The following JAZF1 variants were observed in gnomAD, a reference collection of about 807,000 sequenced individuals.
The protein encoded by JAZF1 is juxtaposed with another zinc finger protein 1.
A neutral mutation model predicts 26.4 loss-of-function variants in JAZF1; 8 were observed. The observed-to-expected ratio is 0.30, with a 90% confidence interval of 0.18 to 0.55. The LOEUF is 0.55. JAZF1 is among the 20% of genes least tolerant of loss of function. The pLI, the probability that JAZF1 is intolerant of heterozygous loss-of-function variation, is 0.94. For missense variants in JAZF1, 199 were observed against 322.0 expected, an observed-to-expected ratio of 0.62 and a Z score of 2.92; for synonymous variants, 126 against 122.3, an observed-to-expected ratio of 1.03 and a Z score of -0.20.
At chr7:27,867,289 C>G (rs993512131) in intron 3 of JAZF1, among the ~76,000 whole-genome samples, 4 of 152,144 alleles carry the variant, frequency 2.6e-5, no homozygotes, top group African/African-American at 9.7e-5. Context: ...TCTACTACAT[C>G]AGAGTAATTG....
chr7:27,951,436 T>C (rs777508156), intron 2 of JAZF1, among the ~76,000 whole-genome samples: 20 of 152,316 alleles, frequency 1.3e-4, no homozygotes, highest in South Asian at 6.2e-4. Flanking sequence ...ACAGTGTACA[T>C]GAATAAAAAG....
At chr7:27,985,122 T>C (rs1002650559) in intron 2 of JAZF1, among the ~76,000 whole-genome samples, 5 of 152,022 alleles carry the variant, frequency 3.3e-5, no homozygotes, top group African/African-American at 9.7e-5. Context: ...CTGAAGAAGA[T>C]AGAGACACAA....
intron 2 of JAZF1, among the ~76,000 whole-genome samples, chr7:27,932,925 G>A (rs764469766): frequency 1.9e-4 from 29 of 152,170 alleles, no homozygotes; most frequent in East Asian, 1.9e-4. Flanking sequence ...GTATAAATAC[G>A]AAAGGGCTGC....
chr7:27,993,503 C>T (rs1785948959), intron 1 of JAZF1, among the ~76,000 whole-genome samples: 3 of 152,318 alleles, frequency 2.0e-5, no homozygotes, highest in Admixed American at 6.5e-5. Flanking sequence ...TATATCCATG[C>T]TTCTGAGAGA....
At chr7:27,927,413 T>C (rs1321144238) in intron 2 of JAZF1, among the ~76,000 whole-genome samples, 3 of 152,242 alleles carry the variant, frequency 2.0e-5, no homozygotes, top group African/African-American at 7.2e-5. Context: ...ATCTACTCTC[T>C]GTGACAATGG....
At position 27,983,071 on chromosome 7, in the gene JAZF1, C is replaced by T. The variant is rs570607389; in HGVS notation, c.188+8838G>A. 1.9e-4 allele frequency among the ~76,000 whole-genome samples: 29 copies of T among 152,258 alleles called. No homozygotes were observed. In the South Asian group the frequency reaches 4.8e-3, roughly 25 times the overall value. On this transcript the variant is annotated intron_variant, in intron 2 of 4. Coordinates refer to ENST00000283928, the MANE Select transcript of JAZF1 (RefSeq NM_175061.4). ...AAGGAATGCAGCTCCTTGGCAGCAA[C>T]GGAACAAAGCTGGATGGAGAATGAC...
In JAZF1 at chr7:28,093,941, G is replaced by A. The variant is rs571961473; in HGVS notation, c.115+86522C>T. ...GAGGGAAGAATGCATTCAGTGCTCA[G>A]GACAACTTGACCCTCCCTCTTCAGT... On this transcript the variant is annotated intron_variant, in intron 1 of 4. Coordinates refer to ENST00000283928, the MANE Select transcript of JAZF1 (RefSeq NM_175061.4). Among the ~76,000 whole-genome samples the A allele has an allele frequency of 2.0e-5, 3 of 152,332 alleles. No individual in the cohort carries two copies. The South Asian group carries it at 6.2e-4, about 32-fold the overall frequency.
At chr7:28,146,844 C>T (rs1397336513) in intron 1 of JAZF1, among the ~76,000 whole-genome samples, 1 of 149,276 alleles carries the variant, frequency 6.7e-6, no homozygotes, top group Non-Finnish European at 1.5e-5. Flanking sequence ...TTTTTTGTTT[C>T]GTTTTGGTGG....
chr7:27,837,490 CAT>C (rs1043577403), intron 4 of JAZF1, among the ~76,000 whole-genome samples: 208 of 152,348 alleles, frequency 1.4e-3, no homozygotes, highest in African/African-American at 4.9e-3. Context: ...ACATCTGAGA[CAT>C]GTGCTGGGTG....
At chr7:27,925,200 A>C (rs1343476355) in intron 2 of JAZF1, among the ~76,000 whole-genome samples, 1 of 152,214 alleles carries the variant, frequency 6.6e-6, no homozygotes, top group African/African-American at 2.4e-5. Flanking sequence ...AATGTAGGTA[A>C]TTCAGCTCCC....
intron 3 of JAZF1, among the ~76,000 whole-genome samples, chr7:27,866,028 G>A (rs1032070377): frequency 6.6e-6 from 1 of 152,126 alleles, no homozygotes; most frequent in Non-Finnish European, 1.5e-5. Flanking sequence ...TACTCAGGCC[G>A]TCATCAGGCT....
chr7:28,144,818 A>C (rs1783001265), intron 1 of JAZF1, among the ~76,000 whole-genome samples: 1 of 152,240 alleles, frequency 6.6e-6, no homozygotes, highest in Non-Finnish European at 1.5e-5. Flanking sequence ...TTCCGATTTC[A>C]GCCTTTTTAA....
At position 28,016,637 on chromosome 7, in the gene JAZF1, C is replaced by T. The variant is rs551216566; in HGVS notation, c.116-24656G>A. Among the ~76,000 whole-genome samples the T allele has an allele frequency of 5.9e-5, 9 of 152,246 alleles. No homozygotes were observed. In the East Asian group the frequency reaches 1.7e-3, roughly 30 times the overall value. On this transcript the variant is annotated intron_variant, in intron 1 of 4. Transcript: ENST00000283928. ...TGTTTTCTAGACCAAATACATCACCCTCATGTACCTGCTGGCTCCCCCTGC... is the reference window on the plus strand; with the variant it reads ...TGTTTTCTAGACCAAATACATCACCTTCATGTACCTGCTGGCTCCCCCTGC...
At chr7:28,110,263 T>C (rs1429881978) in intron 1 of JAZF1, among the ~76,000 whole-genome samples, 1 of 151,734 alleles carries the variant, frequency 6.6e-6, no homozygotes, top group Non-Finnish European at 1.5e-5. Flanking sequence ...CCATTTCTGA[T>C]AAAAATACAA....
intron 1 of JAZF1, among the ~76,000 whole-genome samples, chr7:28,062,528 G>A (rs985580969): frequency 1.3e-5 from 2 of 150,132 alleles, no homozygotes; most frequent in Non-Finnish European, 2.9e-5. Flanking sequence ...GACCCTGCAT[G>A]CTGCATGCAG....
At chr7:28,113,574 A>G (rs1051062612) in intron 1 of JAZF1, among the ~76,000 whole-genome samples, 5 of 152,136 alleles carry the variant, frequency 3.3e-5, no homozygotes, top group African/African-American at 1.2e-4. Flanking sequence ...ACCAAAACCT[A>G]CTATGGACCA....
rs142964757 is a variant in JAZF1, at chr7:27,998,057, G to A, written c.116-6076C>T. Among the ~76,000 whole-genome samples the A allele has an allele frequency of 2.7e-5, 4 of 145,758 alleles. No homozygotes were observed. The East Asian group carries it at 5.9e-4, about 22-fold the overall frequency. ...AGGAAGGAAGGAAGGAAGGAAGGAA[G>A]GAAGGAAGGAAGGAAGGCAGGCAGG... On this transcript the variant is annotated intron_variant, in intron 1 of 4. Coordinates refer to ENST00000283928, the MANE Select transcript of JAZF1 (RefSeq NM_175061.4).
At chr7:28,010,125 A>C (rs973507066) in intron 1 of JAZF1, among the ~76,000 whole-genome samples, 5 of 152,162 alleles carry the variant, frequency 3.3e-5, no homozygotes, top group Non-Finnish European at 7.3e-5. Context: ...GGTTCTGATT[A>C]TCCTGTTTGC....
At chr7:27,903,018 A>T (rs1346403390) in intron 2 of JAZF1, among the ~76,000 whole-genome samples, 1 of 137,400 alleles carries the variant, frequency 7.3e-6, no homozygotes, top group Non-Finnish European at 1.6e-5. Context: ...TCCGTCTTAA[A>T]AAAAAAAAAA....
Sources: gnomAD v4.1 joint callset for allele counts (sites outside exome capture counted in the v4.1 genomes callset) on GRCh38, gnomAD v4.1.1 for gene constraint, MANE v1.5 for transcripts, NCBI Gene and HGNC (gene_info 2026-07-23, HGNC 2026-07-21) for gene names.